ASAP1: variants seen among roughly 807,000 people sequenced by gnomAD.
ASAP1 encodes ArfGAP with SH3 domain, ankyrin repeat and PH domain 1.
In ASAP1, 43 loss-of-function variants were observed where a neutral mutation model predicts 145.2. That is an observed-to-expected ratio of 0.30 (90% CI 0.23 to 0.38). ASAP1 has a LOEUF of 0.38. Among genes scored for constraint, ASAP1 ranks in the 10% least tolerant of loss-of-function variants. The probability of loss-of-function intolerance (pLI) is 1.00; values close to 1 mark genes in which losing one functional copy is unlikely to be tolerated. For missense variants in ASAP1, 1,018 were observed against 1,355.3 expected, an observed-to-expected ratio of 0.75 and a Z score of 3.91; for synonymous variants, 546 against 515.5, an observed-to-expected ratio of 1.06 and a Z score of -0.80.
intron 13 of ASAP1, among the ~76,000 whole-genome samples, chr8:130,150,600 C>T (rs2097643886): frequency 6.6e-6 from 1 of 152,196 alleles, no homozygotes; most frequent in South Asian, 2.1e-4. Flanking sequence ...TAACGCTGGC[C>T]AGGTGCGGTG....
At chr8:130,348,517 G>A (rs1825821840) in intron 3 of ASAP1, among the ~76,000 whole-genome samples, 1 of 152,172 alleles carries the variant, frequency 6.6e-6, no homozygotes, top group African/African-American at 2.4e-5. Flanking sequence ...ACAGAGGGCT[G>A]TTCAGACAGG....
intron 5 of ASAP1, among the ~76,000 whole-genome samples, chr8:130,193,537 G>GT (rs1815285346): frequency 6.6e-6 from 1 of 152,100 alleles, no homozygotes; most frequent in Non-Finnish European, 1.5e-5. Context: ...TAAAAAAATT[G>GT]TAATATGTAA....
Position 130,358,742 on chromosome 8 carries a change from C to CCCCCG in ASAP1, c.60-604_60-600dup, listed in dbSNP as rs1215504863. ...CGCCCGCGCCCCGCCCCCGGCCCGG[C>CCCCCG]CCCCGCCCCGCCCCGCCCCCGCTCG... On this transcript the variant is annotated intron_variant, in intron 2 of 29. Coordinates refer to ENST00000518721, the MANE Select transcript of ASAP1 (RefSeq NM_018482.4). This position sits in a 1 kb window ranked among gnomAD's most constrained non-coding sequence, Gnocchi z 4.1. 1.1e-4 allele frequency among the ~76,000 whole-genome samples: 15 copies of CCCCCG among 138,670 alleles called. No homozygotes were observed. The highest frequency in any genetic ancestry group is 4.5e-4 in the South Asian group (2 of 4,476). The allele number at this position is 138,670 out of a possible 152,430, so 91.0% of individuals were successfully genotyped here.
chr8:130,120,366 G>T (rs1303784760), intron 18 of ASAP1, among the ~76,000 whole-genome samples: 1 of 152,204 alleles, frequency 6.6e-6, no homozygotes, highest in Non-Finnish European at 1.5e-5. Flanking sequence ...CTGAGACCAC[G>T]TGCTAACTAT....
chr8:130,114,508 C>T (rs1282427754), intron 23 of ASAP1, among the ~76,000 whole-genome samples: 1 of 152,188 alleles, frequency 6.6e-6, no homozygotes, highest in Non-Finnish European at 1.5e-5. Context: ...TAGGACATTA[C>T]TGTACATTTT....
At chr8:130,384,739 T>G (rs1827934200) in intron 2 of ASAP1, among the ~76,000 whole-genome samples, 2 of 152,126 alleles carry the variant, frequency 1.3e-5, no homozygotes, top group Non-Finnish European at 2.9e-5. Context: ...ATAGTGTCTT[T>G]TATTATCTGG....
At chr8:130,184,682 G>C (rs888646102) in intron 7 of ASAP1, among the ~76,000 whole-genome samples, 1 of 152,194 alleles carries the variant, frequency 6.6e-6, no homozygotes, top group Non-Finnish European at 1.5e-5. Context: ...CATGCTGACA[G>C]AGTAAGTCTT....
At chr8:130,397,135 G>A (rs1828567387) in intron 2 of ASAP1, among the ~76,000 whole-genome samples, 1 of 150,864 alleles carries the variant, frequency 6.6e-6, no homozygotes, top group African/African-American at 2.5e-5. Flanking sequence ...ACATATTTAT[G>A]AGAATTTTGT....
At chr8:130,218,383 C>A (rs761058985) in intron 4 of ASAP1, among the ~76,000 whole-genome samples, 1 of 152,120 alleles carries the variant, frequency 6.6e-6, no homozygotes, top group Admixed American at 6.5e-5. Context: ...TACATGTATG[C>A]GCCACCCAGC....
chr8:130,319,979 G>C lies in ASAP1; in HGVS notation c.186+38038C>G, dbSNP rs151175620. 4.2e-3 allele frequency among the ~76,000 whole-genome samples: 640 copies of C among 152,252 alleles called. 8 individuals are homozygous for C. Among genetic ancestry groups the C allele is most frequent in the African/African-American group, 0.015 (609 of 41,536 alleles). On this transcript the variant is annotated intron_variant, in intron 3 of 29. Coordinates refer to ENST00000518721, the MANE Select transcript of ASAP1 (RefSeq NM_018482.4). ...CTTCACTATTACTATATAATGCATA[G>C]AAAAGTACATTTTAACATATTCCTG...
At chr8:130,307,813 C>T (rs1051118553) in intron 3 of ASAP1, among the ~76,000 whole-genome samples, 5 of 152,178 alleles carry the variant, frequency 3.3e-5, no homozygotes, top group East Asian at 1.9e-4. Flanking sequence ...CCGGTGATGG[C>T]GGAGCTTGAA....
At chr8:130,248,842 G>C (rs1819018109) in intron 3 of ASAP1, among the ~76,000 whole-genome samples, 2 of 152,122 alleles carry the variant, frequency 1.3e-5, no homozygotes, top group Admixed American at 1.3e-4. Flanking sequence ...TGTTCACCCG[G>C]ACACCAAAGT....
At chr8:130,119,795 G>C (rs1308681450) in intron 18 of ASAP1, among the ~76,000 whole-genome samples, 1 of 147,984 alleles carries the variant, frequency 6.8e-6, no homozygotes, top group Admixed American at 7.0e-5. Context: ...ATCGTCATGA[G>C]CTTCAGTTTT....
chr8:130,068,775 G>GCTGATATGCT (rs1181955033), intron 27 of ASAP1, among the ~76,000 whole-genome samples: 1 of 152,186 alleles, frequency 6.6e-6, no homozygotes, highest in African/African-American at 2.4e-5. Flanking sequence ...AGATGCAGTA[G>GCTGATATGCT]CTGATATGCT....
At chr8:130,071,600 G>C (rs1028622185) in intron 27 of ASAP1, among the ~76,000 whole-genome samples, 2 of 152,196 alleles carry the variant, frequency 1.3e-5, no homozygotes, top group African/African-American at 4.8e-5. Context: ...TAGTAGCTGA[G>C]AGTAAACAAA....
At chr8:130,414,162 G>C (rs1364714490) in intron 1 of ASAP1, among the ~76,000 whole-genome samples, 1 of 152,212 alleles carries the variant, frequency 6.6e-6, no homozygotes, top group Non-Finnish European at 1.5e-5. Context: ...AGGGAATTCT[G>C]AATGGACAGA....
intron 3 of ASAP1, among the ~76,000 whole-genome samples, chr8:130,262,302 G>A (rs1162065012): frequency 6.8e-6 from 1 of 146,110 alleles, no homozygotes; most frequent in Non-Finnish European, 1.5e-5. Context: ...GGCTGAGGCA[G>A]GACAATAGCT....
At chr8:130,350,235 G>A (rs1359353506) in intron 3 of ASAP1, among the ~76,000 whole-genome samples, 1 of 152,156 alleles carries the variant, frequency 6.6e-6, no homozygotes. Flanking sequence ...TACATGGAGT[G>A]GTACTGGGGA....
At chr8:130,102,044 G>A (rs2097529698) in intron 24 of ASAP1, among the ~76,000 whole-genome samples, 1 of 152,030 alleles carries the variant, frequency 6.6e-6, no homozygotes, top group Non-Finnish European at 1.5e-5. Flanking sequence ...TCTGAAAAGA[G>A]GAACAATTTA....
Sources: gnomAD v4.1 joint callset for allele counts (sites outside exome capture counted in the v4.1 genomes callset) on GRCh38, gnomAD v4.1.1 for gene constraint, Gnocchi (gnomAD v3.1) non-coding constraint, MANE v1.5 for transcripts, NCBI Gene and HGNC (gene_info 2026-07-23, HGNC 2026-07-21) for gene names.